Variants in C9 observed in about 807,000 individuals in gnomAD.
C9 encodes complement C9.
A neutral mutation model predicts 65.4 loss-of-function variants in C9; 63 were observed. The observed-to-expected ratio is 0.96, with a 90% CI of 0.79 to 1.19. C9 has a LOEUF of 1.19. C9 is among the 50% of genes most tolerant of loss of function. The probability of loss-of-function intolerance (pLI) is 0.00; values close to 1 mark genes in which losing one functional copy is unlikely to be tolerated. For missense variants in C9, 744 were observed against 670.1 expected (o/e 1.11, Z -1.22); for synonymous variants, 229 against 227.9 (o/e 1.00, Z -0.04).
In C9 at chr5:39,340,239, G is replaced by A. The variant is rs1435586500; in HGVS notation, c.476+907C>T. ...TATGACCCAGGCACAGGAATTATGA[G>A]CATAAAGAGACACATTACATTATAG... On this transcript the variant is annotated intron_variant, in intron 4 of 10. Coordinates refer to ENST00000263408, the MANE Select transcript of C9 (RefSeq NM_001737.5). 2.0e-5 allele frequency among the ~76,000 whole-genome samples: 3 copies of A among 152,184 alleles called. No individual in the cohort carries two copies. The East Asian group carries it at 5.8e-4, about 29-fold the overall frequency.
chr5:39,319,121 TG>T (rs575909595), intron 5 of C9, among the ~76,000 whole-genome samples: 60 of 152,254 alleles, frequency 3.9e-4, no homozygotes, highest in African/African-American at 1.4e-3. Context: ...GGCCTCAGGT[TG>T]ATTAATTCCC....
chr5:39,355,749 G>T (rs1375669994), intron 1 of C9, among the ~76,000 whole-genome samples: 3 of 152,126 alleles, frequency 2.0e-5, no homozygotes, highest in Admixed American at 2.0e-4. Context: ...AATTCTAGAG[G>T]CTAGAAGTCT....
At chr5:39,359,189 A>T (rs1032995898) in intron 1 of C9, among the ~76,000 whole-genome samples, 1 of 149,182 alleles carries the variant, frequency 6.7e-6, no homozygotes, top group Admixed American at 6.7e-5. Context: ...GGTCTCAGGT[A>T]TGATTCCCAG....
chr5:39,346,907 A>T lies in C9; in HGVS notation c.78-4711T>A, dbSNP rs369262511. 5.3e-5 allele frequency among the ~76,000 whole-genome samples: 8 copies of T among 152,250 alleles called. No individual in the cohort carries two copies. In the South Asian group the frequency reaches 1.2e-3, roughly 24 times the overall value. ...AACGTAATCCAGCATATAAACAGAAACAAAGACAAAAACCACATGATTATC... is the reference window on the plus strand; with the variant it reads ...AACGTAATCCAGCATATAAACAGAATCAAAGACAAAAACCACATGATTATC... On this transcript the variant is annotated intron_variant, in intron 1 of 10. Transcript: ENST00000263408.
chr5:39,343,977 G>A (rs1475218533), intron 1 of C9, among the ~76,000 whole-genome samples: 2 of 152,158 alleles, frequency 1.3e-5, no homozygotes, highest in Non-Finnish European at 2.9e-5. Context: ...CTGCTAGAAG[G>A]AAAACTAACA....
chr5:39,344,598 G>T (rs1209830123), intron 1 of C9, among the ~76,000 whole-genome samples: 2 of 152,184 alleles, frequency 1.3e-5, no homozygotes, highest in African/African-American at 2.4e-5. Context: ...AAAACACTCT[G>T]CAGGATATTA....
chr5:39,326,247 A>C (rs1753746755), intron 5 of C9, among the ~76,000 whole-genome samples: 1 of 152,230 alleles, frequency 6.6e-6, no homozygotes, highest in Admixed American at 6.5e-5. Flanking sequence ...ATAGGTGGTA[A>C]GTGGAGGAAG....
At chr5:39,338,307 T>C (rs1403701399) in intron 4 of C9, among the ~76,000 whole-genome samples, 1 of 152,126 alleles carries the variant, frequency 6.6e-6, no homozygotes, top group East Asian at 1.9e-4. Context: ...GCTGTGGGTG[T>C]TGGTTGGGGT....
intron 1 of C9, among the ~76,000 whole-genome samples, chr5:39,349,424 C>A (rs1754277134): frequency 1.3e-5 from 2 of 152,314 alleles, no homozygotes; most frequent in South Asian, 4.1e-4. Context: ...CAACCACTAC[C>A]ATCTCCCTCC....
At chr5:39,330,574 A>G (rs1753821434) in intron 5 of C9, among the ~76,000 whole-genome samples, 3 of 152,230 alleles carry the variant, frequency 2.0e-5, no homozygotes, top group South Asian at 4.1e-4. Context: ...GGTATTTTCT[A>G]TTTAAGAAAG....
intron 9 of C9, among the ~76,000 whole-genome samples, chr5:39,305,425 A>G (rs1462516740): frequency 6.6e-6 from 1 of 152,194 alleles, no homozygotes; most frequent in Non-Finnish European, 1.5e-5. Context: ...TAAAGGAATA[A>G]AATTCTCCAA....
intron 9 of C9, among the ~76,000 whole-genome samples, chr5:39,298,246 C>G (rs1326037739): frequency 1.3e-5 from 2 of 150,786 alleles, no homozygotes; most frequent in African/African-American, 4.9e-5. Flanking sequence ...ATAACAGCAC[C>G]CAGCTTAAGA....
chr5:39,314,108 T>C (rs1055569396), intron 6 of C9, among the ~76,000 whole-genome samples: 1 of 152,154 alleles, frequency 6.6e-6, no homozygotes, highest in East Asian at 1.9e-4. Context: ...ACAAAATACC[T>C]TGAGTAATCA....
chr5:39,324,267 C>T (rs1481601640), intron 5 of C9, among the ~76,000 whole-genome samples: 1 of 152,084 alleles, frequency 6.6e-6, no homozygotes, highest in Non-Finnish European at 1.5e-5. Flanking sequence ...TCAATGCAAT[C>T]CCTATCATAA....
rs1753561767 is a variant in C9 at position 39,315,917 on chromosome 5, A to C, written c.728T>G (p.Phe243Cys). The change falls in exon 6 of 11, where the codon TTT becomes TGT. Residue 243 changes from phenylalanine to cysteine, a missense_variant. Phe to Cys is a radical substitution (Grantham distance 205). Transcript: ENST00000263408. The stretch of plus-strand genomic sequence containing the variant: ...AGCTTTATTTGTTTCAGTGGGTGTA[A>C]ATTTTAGAGATATAGCTGCATTAAA... ...SNFNAAISLK[F>C]TPTETNKAEQ... is the part of the protein sequence containing the mutation. 1 of 1,612,718 alleles carries C rather than the reference A, an allele frequency of 6.2e-7. No homozygotes were observed.
At chr5:39,305,715 T>G (rs902050779) in intron 9 of C9, among the ~76,000 whole-genome samples, 6 of 152,098 alleles carry the variant, frequency 3.9e-5, no homozygotes, top group Admixed American at 3.3e-4. Context: ...TTTTTTTTTG[T>G]CTAGGAATAA....
chr5:39,349,183 GAA>G (rs5867457), intron 1 of C9, among the ~76,000 whole-genome samples: 1 of 143,892 alleles, frequency 6.9e-6, no homozygotes, highest in African/African-American at 2.6e-5. Context: ...AACAAAAAAG[GAA>G]AAAAAAAAAA....
chr5:39,307,029 T>A (rs417097), intron 8 of C9, among the ~76,000 whole-genome samples: 57,221 of 151,742 alleles, frequency 0.38, 11,910 homozygotes, highest in Non-Finnish European at 0.48. Flanking sequence ...ATAAAAATGA[T>A]ACCCATGGTC....
chr5:39,349,250 C>A (rs183281495), intron 1 of C9, among the ~76,000 whole-genome samples: 45 of 151,828 alleles, frequency 3.0e-4, no homozygotes, highest in African/African-American at 1.1e-3. Flanking sequence ...GATCCCAGCT[C>A]CCCTTAGAGA....
Sources: gnomAD v4.1 joint callset for allele counts (sites outside exome capture counted in the v4.1 genomes callset) on GRCh38, gnomAD v4.1.1 for gene constraint, MANE v1.5 for transcripts, NCBI Gene and HGNC (gene_info 2026-07-23, HGNC 2026-07-21) for gene names.